Variants in MIGA1 observed in about 807,000 individuals in gnomAD.
The protein encoded by MIGA1 is family with sequence similarity 73, member A.
In MIGA1, 58 loss-of-function variants were observed where a neutral mutation model predicts 82.0. The observed-to-expected ratio is 0.71, with a 90% CI of 0.57 to 0.88. The LOEUF (loss-of-function observed/expected upper bound fraction) is 0.88. Among genes scored for constraint, MIGA1 ranks in the 40% least tolerant of loss-of-function variants. The pLI, the probability that MIGA1 is intolerant of heterozygous loss-of-function variation, is 0.00. For missense variants in MIGA1, 751 were observed against 749.1 expected (o/e 1.00, Z -0.03); for synonymous variants, 249 against 253.6 (o/e 0.98, Z 0.17).
chr1:77,820,232 G>A (rs1475841997), intron 7 of MIGA1, among the ~76,000 whole-genome samples: 2 of 151,190 alleles, frequency 1.3e-5, no homozygotes, highest in Admixed American at 1.3e-4. Flanking sequence ...GAAAGAAATT[G>A]TCAAGGTTTA....
chr1:77,780,915 T>C (rs947529130), intron 1 of MIGA1, among the ~76,000 whole-genome samples: 2 of 150,330 alleles, frequency 1.3e-5, no homozygotes, highest in African/African-American at 4.9e-5. Flanking sequence ...TTTCTTTTTT[T>C]TTTTTTTTTG....
Position 77,815,100 on chromosome 1 carries a change from C to A in MIGA1, c.772-8C>A, listed in dbSNP as rs191525642. ...AATTTGTTCTGTGTACTTTTTCTCT[C>A]CTTGTAGGATATTATTAGTACTGAA... is the stretch of plus-strand genomic sequence containing the variant. On this transcript the variant is annotated splice_polypyrimidine_tract_variant and splice_region_variant and intron_variant, in intron 6 of 15. Coordinates refer to ENST00000370791, the MANE Select transcript of MIGA1 (RefSeq NM_198549.4). 1 of 1,529,836 alleles carries A rather than the reference C, an allele frequency of 6.5e-7. No individual in the cohort carries two copies. The highest frequency in any genetic ancestry group is 1.3e-5 in the South Asian group (1 of 78,100). 94.8% of individuals were successfully genotyped at this position (1,529,836 alleles called of 1,614,324 possible). A position where few individuals can be genotyped will look rare whatever the true frequency, so the allele number is the denominator to read the frequency against.
chr1:77,844,290 C>G (rs1373743879), intron 8 of MIGA1, among the ~76,000 whole-genome samples: 1 of 73,894 alleles, frequency 1.4e-5, no homozygotes, highest in Non-Finnish European at 4.4e-5. Context: ...TGTTATAAAG[C>G]TATAAACATG....
chr1:77,874,891 G>C lies in MIGA1; in HGVS notation c.1726G>C (p.Val576Leu). The change falls in exon 16 of 16, where the codon GTG becomes CTG. Residue 576 changes from valine (V) to leucine (L), a missense_variant. By Grantham distance (32) the Val-to-Leu change is conservative (BLOSUM62 1). Coordinates refer to ENST00000370791, the MANE Select transcript of MIGA1 (RefSeq NM_198549.4). Reference sequence around the variant, plus strand: ...CAAAGACATTTTTGACTTTGAGAAGGTGCGCTATTCAAGTACAGAGACTTT... The same window carrying C: ...CAAAGACATTTTTGACTTTGAGAAGCTGCGCTATTCAAGTACAGAGACTTT... 1.9e-6 allele frequency: 3 copies of C among 1,614,036 alleles called. No homozygotes were observed. The highest frequency in any genetic ancestry group is 1.7e-6 in the Non-Finnish European group (2 of 1,179,986).
chr1:77,809,092 G>A (rs148870803), intron 5 of MIGA1, among the ~76,000 whole-genome samples: 29 of 151,972 alleles, frequency 1.9e-4, no homozygotes, highest in African/African-American at 6.3e-4. Context: ...CTGGGTGACA[G>A]AGCCCGTTTT....
At chr1:77,872,114 C>G (rs1646845779) in intron 14 of MIGA1, among the ~76,000 whole-genome samples, 1 of 152,054 alleles carries the variant, frequency 6.6e-6, no homozygotes, top group Non-Finnish European at 1.5e-5. Context: ...ACTATAGGTA[C>G]ACACCACCAT....
At chr1:77,855,797 C>T (rs1571002191) in intron 8 of MIGA1, among the ~76,000 whole-genome samples, 1 of 151,846 alleles carries the variant, frequency 6.6e-6, no homozygotes, top group African/African-American at 2.4e-5. Flanking sequence ...TTCTAGACAA[C>T]TTCTTAGGGT....
At chr1:77,870,458 A>G (rs1685919923) in intron 14 of MIGA1, among the ~76,000 whole-genome samples, 2 of 108,398 alleles carry the variant, frequency 1.8e-5, no homozygotes, top group Admixed American at 8.9e-5. Flanking sequence ...GCGGCGGGGC[A>G]GAGGTGCTCC....
intron 2 of MIGA1, among the ~76,000 whole-genome samples, chr1:77,788,298 T>G (rs1682261413): frequency 6.6e-6 from 1 of 152,002 alleles, no homozygotes; most frequent in South Asian, 2.1e-4. Flanking sequence ...CCAGTGTACC[T>G]GGCCTAATTT....
chr1:77,848,059 C>G, intron 8 of MIGA1: 1 of 1,290,876 alleles, frequency 7.7e-7, no homozygotes, highest in Non-Finnish European at 1.1e-6. Context: ...GGATCACGAA[C>G]ATCGAGAGGA....
intron 14 of MIGA1, among the ~76,000 whole-genome samples, chr1:77,870,190 C>T (rs1321410935): frequency 4.8e-4 from 51 of 106,064 alleles, no homozygotes; most frequent in Middle Eastern, 7.4e-3. Context: ...CCTCACCTCC[C>T]GGACGGGGCG....
At chr1:77,779,779 G>C in intron 1 of MIGA1, 43 bp downstream of exon 1, 1 of 1,520,542 alleles carries the variant, frequency 6.6e-7, no homozygotes, top group Non-Finnish European at 8.8e-7. Context: ...GCGGGCGGGA[G>C]GAAGCGGAGA....
At chr1:77,858,726 T>C (rs979671992) in intron 8 of MIGA1, among the ~76,000 whole-genome samples, 1 of 152,122 alleles carries the variant, frequency 6.6e-6, no homozygotes, top group African/African-American at 2.4e-5. Context: ...TCAAGTGATC[T>C]TCCCACCTCA....
intron 12 of MIGA1, among the ~76,000 whole-genome samples, chr1:77,862,932 C>T (rs547264020): frequency 6.7e-6 from 1 of 150,366 alleles, no homozygotes; most frequent in Non-Finnish European, 1.5e-5. Flanking sequence ...CAGAGCAAGA[C>T]TCTGTCTCAG....
chr1:77,819,300 C>T (rs1039494865), intron 7 of MIGA1, among the ~76,000 whole-genome samples: 6 of 151,918 alleles, frequency 3.9e-5, no homozygotes, highest in Admixed American at 3.3e-4. Context: ...TTCCCTTTTC[C>T]CTTTTTCCTT....
intron 14 of MIGA1, among the ~76,000 whole-genome samples, chr1:77,869,583 A>C (rs1355195751): frequency 3.6e-5 from 5 of 137,576 alleles, no homozygotes; most frequent in Admixed American, 7.1e-5. Context: ...TGACCCCCCC[A>C]CCACCCTCCC....
chr1:77,805,461 C>A (rs201061317), intron 4 of MIGA1, among the ~76,000 whole-genome samples: 2 of 110,370 alleles, frequency 1.8e-5, no homozygotes, highest in African/African-American at 6.9e-5. Context: ...TATGCCTATT[C>A]TTTTTTTTTT....
At chr1:77,827,918 TGTG>T (rs1684093871) in intron 7 of MIGA1, among the ~76,000 whole-genome samples, 1 of 151,740 alleles carries the variant, frequency 6.6e-6, no homozygotes, top group Non-Finnish European at 1.5e-5. Flanking sequence ...ATTAGCTGGG[TGTG>T]GTGGTGTGCA....
At chr1:77,794,464 A>G (rs1447062875) in intron 2 of MIGA1, among the ~76,000 whole-genome samples, 1 of 152,176 alleles carries the variant, frequency 6.6e-6, no homozygotes, top group Non-Finnish European at 1.5e-5. Flanking sequence ...AATGTCCCTC[A>G]GTTGAGTGTG....
Sources: allele counts gnomAD v4.1 joint callset (sites outside exome capture counted in the v4.1 genomes callset), GRCh38; gene constraint gnomAD v4.1.1; transcripts MANE v1.5; gene names NCBI Gene and HGNC (gene_info 2026-07-23, HGNC 2026-07-21).